ALDH5A1: variants seen among roughly 807,000 people sequenced by gnomAD.
ALDH5A1 encodes the protein aldehyde dehydrogenase 5 family member A1.
A neutral mutation model predicts 54.7 loss-of-function variants in ALDH5A1; 33 were observed. The observed-to-expected ratio is 0.60, with a 90% CI of 0.46 to 0.81. ALDH5A1 has a LOEUF of 0.81. Among genes scored for constraint, ALDH5A1 ranks in the 30% least tolerant of loss-of-function variants. ALDH5A1 has a pLI of 0.00. For synonymous variants in ALDH5A1, 294 were observed against 292.7 expected (o/e 1.00, Z -0.05); for missense variants, 657 against 711.0 (o/e 0.92, Z 0.86).
intron 7 of ALDH5A1, 93 bp downstream of exon 7, chr6:24,523,018 A>T: frequency 1.5e-6 from 1 of 648,656 alleles, no homozygotes; most frequent in Non-Finnish European, 2.6e-6. Context: ...AGGGGTGGGG[A>T]TAGAGAGGGG....
At chr6:24,496,897 G>A (rs894824157) in intron 1 of ALDH5A1, among the ~76,000 whole-genome samples, 9 of 152,098 alleles carry the variant, frequency 5.9e-5, no homozygotes, top group African/African-American at 1.4e-4. Context: ...TTAGGACTTC[G>A]ACATGTCAAT....
Position 24,534,110 on chromosome 6 carries a change from TGAA to T in ALDH5A1, c.*400_*402del. The T allele has an allele frequency of 4.4e-6, 1 of 226,778 alleles. No homozygotes were observed. The allele number at this position is 226,778 out of a possible 1,614,324, so 14.0% of individuals were successfully genotyped here. A position where few individuals can be genotyped will look rare whatever the true frequency, so the allele number is the denominator to read the frequency against. On this transcript the variant is annotated 3_prime_UTR_variant, in exon 10 of 10. Transcript: ENST00000357578. ...TACAGAACATGGGCCCAGAGCACCT[TGAA>T]GGAGACCCTTGACTGTGACTGGCAG...
intron 8 of ALDH5A1, among the ~76,000 whole-genome samples, chr6:24,529,519 T>C (rs993366236): frequency 6.6e-6 from 1 of 152,186 alleles, no homozygotes; most frequent in African/African-American, 2.4e-5. Flanking sequence ...TTCTTGCTTC[T>C]TTGAAAGAAA....
intron 8 of ALDH5A1, among the ~76,000 whole-genome samples, chr6:24,531,767 G>A (rs944464492): frequency 5.9e-5 from 9 of 152,162 alleles, no homozygotes; most frequent in Admixed American, 3.3e-4. Context: ...TGCTTCTAAA[G>A]TAGTTGTTAT....
chr6:24,529,954 G>A (rs1759897309), intron 8 of ALDH5A1, among the ~76,000 whole-genome samples: 1 of 152,194 alleles, frequency 6.6e-6, no homozygotes. Context: ...TTACAGGCGT[G>A]AGCCACCATG....
chr6:24,496,560 G>A (rs1040608883), intron 1 of ALDH5A1, among the ~76,000 whole-genome samples: 31 of 152,290 alleles, frequency 2.0e-4, no homozygotes, highest in Admixed American at 2.0e-3. Context: ...GTCAGAGTTG[G>A]TTTCTTCTAA....
At chr6:24,505,152 T>C (rs1759312862) in intron 4 of ALDH5A1, among the ~76,000 whole-genome samples, 167 bp downstream of exon 4, 1 of 152,184 alleles carries the variant, frequency 6.6e-6, no homozygotes, top group Non-Finnish European at 1.5e-5. Flanking sequence ...CTGTAGCTCT[T>C]TTGGGAAAAA....
intron 1 of ALDH5A1, among the ~76,000 whole-genome samples, chr6:24,501,706 GTC>G (rs1442211141): frequency 6.6e-6 from 1 of 151,916 alleles, no homozygotes; most frequent in Non-Finnish European, 1.5e-5. Context: ...ACAAAACCCT[GTC>G]TCTTTTTTAA....
chr6:24,526,949 A>C (rs1415109704), intron 7 of ALDH5A1, among the ~76,000 whole-genome samples: 8 of 57,416 alleles, frequency 1.4e-4, no homozygotes, highest in African/African-American at 4.1e-4. Flanking sequence ...CTATATATAT[A>C]TCTAATATAT....
rs1293911941 is a variant in ALDH5A1, at chr6:24,495,111, C to A, written c.115C>A (p.Pro39Thr). The A allele has an allele frequency of 7.6e-7, 1 of 1,310,890 alleles. No individual in the cohort carries two copies. The highest frequency in any genetic ancestry group is 9.6e-7 in the Non-Finnish European group (1 of 1,038,564). 81.2% of individuals were successfully genotyped at this position (1,310,890 alleles called of 1,614,324 possible). Reference sequence around the variant, plus strand: ...CCTGGTCCCTGCCTCCGGGCCTGCGCCCGGCCCGGCCCAGCTCCGCTGCTA... The same window carrying A: ...CCTGGTCCCTGCCTCCGGGCCTGCGACCGGCCCGGCCCAGCTCCGCTGCTA... ...GGLVPASGPA[P>T]GPAQLRCYAG... Residue 39 changes from proline to threonine, a missense_variant, in exon 1 of 10, where the codon CCC becomes ACC. By Grantham distance (38) the Pro-to-Thr change is conservative. Coordinates refer to ENST00000357578, the MANE Select transcript of ALDH5A1 (RefSeq NM_001080.3).
intron 3 of ALDH5A1, among the ~76,000 whole-genome samples, chr6:24,503,804 T>A (rs1003699202): frequency 6.6e-5 from 10 of 152,180 alleles, no homozygotes; most frequent in African/African-American, 2.4e-4. Context: ...AAACTTGCCA[T>A]AGTTTGGAAA....
Position 24,533,739 on chromosome 6 carries a change from A to T in ALDH5A1, c.*27A>T. 1 of 1,597,436 alleles carries T rather than the reference A, an allele frequency of 6.3e-7. No homozygotes were observed. Among genetic ancestry groups the T allele is most frequent in the Non-Finnish European group, 8.6e-7 (1 of 1,165,624 alleles). ...ATTCTTTGGTTCTTTAAAAAAATTT[A>T]AAAGGAGACTTATCTACATATATAG... On this transcript the variant is annotated 3_prime_UTR_variant, in exon 10 of 10. Transcript: ENST00000357578.
intron 7 of ALDH5A1, among the ~76,000 whole-genome samples, chr6:24,527,692 T>C (rs1472010365): frequency 6.6e-6 from 1 of 152,090 alleles, no homozygotes; most frequent in East Asian, 1.9e-4. Context: ...CAGAATGCAA[T>C]GAAAGCAAAT....
chr6:24,533,739 A>C lies in ALDH5A1; in HGVS notation c.*27A>C. On this transcript the variant is annotated 3_prime_UTR_variant, in exon 10 of 10. Transcript: ENST00000357578. Reference sequence around the variant, plus strand: ...ATTCTTTGGTTCTTTAAAAAAATTTAAAAGGAGACTTATCTACATATATAG... The same window carrying C: ...ATTCTTTGGTTCTTTAAAAAAATTTCAAAGGAGACTTATCTACATATATAG... The C allele has an allele frequency of 6.3e-7, 1 of 1,597,436 alleles. No individual in the cohort carries two copies. Among genetic ancestry groups the C allele is most frequent in the East Asian group, 2.2e-5 (1 of 44,772 alleles).
At chr6:24,519,826 G>A (rs1759642103) in intron 5 of ALDH5A1, among the ~76,000 whole-genome samples, 1 of 148,242 alleles carries the variant, frequency 6.7e-6, no homozygotes, top group African/African-American at 2.4e-5. Context: ...ACTTTAAAAT[G>A]TTATCAGTGT....
intron 6 of ALDH5A1, among the ~76,000 whole-genome samples, chr6:24,522,257 C>CTCA (rs938723152): frequency 2.0e-5 from 3 of 152,094 alleles, no homozygotes; most frequent in African/African-American, 7.2e-5. Context: ...CTGCAGTGAA[C>CTCA]TCATCACTAC....
chr6:24,532,984 T>C (rs1759964214), intron 9 of ALDH5A1, among the ~76,000 whole-genome samples: 1 of 152,090 alleles, frequency 6.6e-6, no homozygotes, highest in Admixed American at 6.5e-5. Flanking sequence ...ATTCTGGTTG[T>C]GCAGAAGCTG....
chr6:24,526,856 A>C (rs897342612), intron 7 of ALDH5A1, among the ~76,000 whole-genome samples: 3 of 136,638 alleles, frequency 2.2e-5, no homozygotes, highest in East Asian at 2.0e-4. Context: ...ATATATATAT[A>C]TTCTATATAT....
intron 7 of ALDH5A1, among the ~76,000 whole-genome samples, chr6:24,524,354 A>C (rs1378985980): frequency 6.6e-6 from 1 of 152,170 alleles, no homozygotes; most frequent in Non-Finnish European, 1.5e-5. Flanking sequence ...GTGGGAAAGA[A>C]GGGAGGAGAG....
Sources: allele counts gnomAD v4.1 joint callset (sites outside exome capture counted in the v4.1 genomes callset), GRCh38; gene constraint gnomAD v4.1.1; transcripts MANE v1.5; gene names NCBI Gene and HGNC (gene_info 2026-07-23, HGNC 2026-07-21).